The following PARD3B variants were observed in gnomAD, a reference collection of about 807,000 sequenced individuals.
PARD3B encodes the protein partitioning defective 3 homolog B.
A neutral mutation model predicts 130.2 loss-of-function variants in PARD3B; 103 were observed. That is an observed-to-expected ratio of 0.79 (90% CI 0.67 to 0.93). PARD3B has a LOEUF of 0.93. PARD3B is among the 40% of genes least tolerant of loss of function. The pLI is 0.00. For missense variants in PARD3B, 1,609 were observed against 1,499.2 expected, an observed-to-expected ratio of 1.07 and a Z score of -1.21; for synonymous variants, 583 against 553.2, an observed-to-expected ratio of 1.05 and a Z score of -0.76.
At chr2:205,048,101 G>C (rs1444375765) in intron 4 of PARD3B, 1 of 157,758 alleles carries the variant, frequency 6.3e-6, no homozygotes, top group African/African-American at 2.4e-5. Context: ...CTTCTGGCCA[G>C]TACACTATAC....
At chr2:205,098,018 T>C (rs1702505490) in intron 4 of PARD3B, among the ~76,000 whole-genome samples, 1 of 152,194 alleles carries the variant, frequency 6.6e-6, no homozygotes, top group African/African-American at 2.4e-5. Flanking sequence ...TGCATGTTAA[T>C]TTCATGTGTG....
chr2:204,925,214 G>T (rs1687506381), intron 2 of PARD3B, among the ~76,000 whole-genome samples: 1 of 152,084 alleles, frequency 6.6e-6, no homozygotes, highest in East Asian at 1.9e-4. Flanking sequence ...ATGGAAAAGT[G>T]TAGTTACTTA....
rs1190643521 is a variant in PARD3B, at chr2:205,288,077, A to G, written c.2186-12453A>G. 6.6e-6 allele frequency among the ~76,000 whole-genome samples: 1 copy of G among 152,082 alleles called. No individual in the cohort carries two copies. Among genetic ancestry groups the G allele is most frequent in the Non-Finnish European group, 1.5e-5 (1 of 68,022 alleles). On this transcript the variant is annotated intron_variant, in intron 16 of 22. Transcript: ENST00000406610. The surrounding 1 kb of genome is among the most constrained non-coding windows in gnomAD (Gnocchi z 4.0). ...TTATTAGTTTTACTGCCCATTAATC[A>G]TTATATATTACCAAATATAGTAAAG...
chr2:205,193,382 A>T (rs569562050), intron 15 of PARD3B, 62 bp downstream of exon 15: 3 of 1,288,122 alleles, frequency 2.3e-6, no homozygotes, highest in Non-Finnish European at 3.4e-6. Flanking sequence ...TATCTTCCCA[A>T]ATGTCCTGGT....
rs566579978 is a variant in PARD3B at position 205,229,404 on chromosome 2, T to G, written c.2141-16374T>G. 3.3e-5 allele frequency among the ~76,000 whole-genome samples: 5 copies of G among 152,358 alleles called. No homozygotes were observed. In the South Asian group the frequency reaches 1.0e-3, roughly 32 times the overall value. ...TAATGCTGTGACTCTTACAGACTTGTAGAGGTGCCATGTTGGTGGTCTTGG... is the reference window on the plus strand; with the variant it reads ...TAATGCTGTGACTCTTACAGACTTGGAGAGGTGCCATGTTGGTGGTCTTGG... On this transcript the variant is annotated intron_variant, in intron 15 of 22. Coordinates refer to ENST00000406610, the MANE Select transcript of PARD3B (RefSeq NM_001302769.2). This position sits in a 1 kb window ranked among gnomAD's most constrained non-coding sequence, Gnocchi z 5.2.
intron 1 of PARD3B, among the ~76,000 whole-genome samples, chr2:204,619,701 C>T (rs1030615730): frequency 6.6e-6 from 1 of 152,112 alleles, no homozygotes; most frequent in Non-Finnish European, 1.5e-5. Context: ...CCACACCAGG[C>T]GTGCCCTACA....
rs147314767 is a variant in PARD3B at position 205,401,724 on chromosome 2, G to T, written c.2741+601G>T. On this transcript the variant is annotated intron_variant, in intron 19 of 22. Coordinates refer to ENST00000406610, the MANE Select transcript of PARD3B (RefSeq NM_001302769.2). Reference sequence around the variant, plus strand: ...TCCATTTGGACAAGAGGTCCTTCACGTATCTTTGATGTTAACTCTGGCACT... The same window carrying T: ...TCCATTTGGACAAGAGGTCCTTCACTTATCTTTGATGTTAACTCTGGCACT... 3.3e-5 allele frequency among the ~76,000 whole-genome samples: 5 copies of T among 152,140 alleles called. No individual in the cohort carries two copies. The East Asian group carries it at 9.6e-4, about 29-fold the overall frequency.
chr2:204,910,185 A>C (rs1270806987), intron 2 of PARD3B, among the ~76,000 whole-genome samples: 1 of 152,206 alleles, frequency 6.6e-6, no homozygotes, highest in East Asian at 1.9e-4. Flanking sequence ...GTTGGCAAAT[A>C]AGTAAGAGGT....
At chr2:205,165,722 AAAATAAAT>A (rs71032449) in intron 11 of PARD3B, among the ~76,000 whole-genome samples, 1,542 of 146,132 alleles carry the variant, frequency 0.011, 24 homozygotes, top group African/African-American at 0.031. Context: ...CTCTGTCTCA[AAAATAAAT>A]AAATAAATAA....
chr2:205,161,179 C>T (rs2034483042), intron 11 of PARD3B, among the ~76,000 whole-genome samples: 1 of 152,114 alleles, frequency 6.6e-6, no homozygotes, highest in South Asian at 2.1e-4. Flanking sequence ...ATAACTTAAG[C>T]TCAAGCAGAT....
intron 2 of PARD3B, among the ~76,000 whole-genome samples, chr2:204,772,525 A>G (rs1289213184): frequency 6.6e-6 from 1 of 152,072 alleles, no homozygotes; most frequent in East Asian, 1.9e-4. Flanking sequence ...AGATGGTTTG[A>G]CTCCTCAGCA....
At chr2:205,052,761 C>T (rs1260215904) in intron 4 of PARD3B, among the ~76,000 whole-genome samples, 1 of 152,074 alleles carries the variant, frequency 6.6e-6, no homozygotes. Context: ...GTTAGTTCAT[C>T]ATATTATCAC....
At chr2:204,709,157 C>T (rs541647558) in intron 2 of PARD3B, among the ~76,000 whole-genome samples, 6 of 152,156 alleles carry the variant, frequency 3.9e-5, no homozygotes, top group South Asian at 2.1e-4. Context: ...AAAAAAATTC[C>T]GTTTCCAGAA....
At chr2:204,687,084 CAT>C (rs760033005) in intron 2 of PARD3B, among the ~76,000 whole-genome samples, 2 of 152,020 alleles carry the variant, frequency 1.3e-5, no homozygotes, top group South Asian at 4.1e-4. Flanking sequence ...TATTTGGAAA[CAT>C]GTTTCTCTAT....
intron 16 of PARD3B, among the ~76,000 whole-genome samples, chr2:205,251,328 G>A (rs1336363183): frequency 6.6e-6 from 1 of 151,892 alleles, no homozygotes; most frequent in African/African-American, 2.4e-5. Context: ...ATGTGCATGT[G>A]ACGTGTATAA....
At chr2:204,720,064 T>G (rs1574807081) in intron 2 of PARD3B, among the ~76,000 whole-genome samples, 1 of 82,966 alleles carries the variant, frequency 1.2e-5, no homozygotes. Flanking sequence ...CTTTATGGCA[T>G]TTTTTTGTGA....
Position 205,104,527 on chromosome 2 carries a change from T to A in PARD3B, c.593+13T>A. On this transcript the variant is annotated intron_variant, in intron 5 of 22. Coordinates refer to ENST00000406610, the MANE Select transcript of PARD3B (RefSeq NM_001302769.2). Reference sequence around the variant, plus strand: ...AGGACACATTGAGGTATTCTCTTTATACAGATAAGAATATCTGATTTATTT... The same window carrying A: ...AGGACACATTGAGGTATTCTCTTTAAACAGATAAGAATATCTGATTTATTT... The A allele has an allele frequency of 7.0e-7, 1 of 1,433,616 alleles. No individual in the cohort carries two copies. Among genetic ancestry groups the A allele is most frequent in the Non-Finnish European group, 9.8e-7 (1 of 1,017,600 alleles). The allele number at this position is 1,433,616 out of a possible 1,614,324, so 88.8% of individuals were successfully genotyped here.
At chr2:204,796,716 C>A (rs891009699) in intron 2 of PARD3B, among the ~76,000 whole-genome samples, 3 of 152,178 alleles carry the variant, frequency 2.0e-5, no homozygotes, top group Non-Finnish European at 2.9e-5. Context: ...ATTAGCTTTT[C>A]TACTGTCCAG....
chr2:205,301,405 CTG>C lies in PARD3B; in HGVS notation c.2393-57_2393-56del. 1 of 1,557,630 alleles carries C rather than the reference CTG, an allele frequency of 6.4e-7. No homozygotes were observed. The stretch of plus-strand genomic sequence containing the variant: ...TTGCATTTTACATGTTAGCGTTTCT[CTG>C]TATACTAACTGAGTGTGCCCCTGAC... On this transcript the variant is annotated intron_variant, in intron 17 of 22. Transcript: ENST00000406610. This position sits in a 1 kb window ranked among gnomAD's most constrained non-coding sequence, Gnocchi z 5.2.
Sources: allele counts gnomAD v4.1 joint callset (sites outside exome capture counted in the v4.1 genomes callset), GRCh38; gene constraint gnomAD v4.1.1; non-coding constraint Gnocchi (gnomAD v3.1); transcripts MANE v1.5; gene names NCBI Gene and HGNC (gene_info 2026-07-23, HGNC 2026-07-21).